The following ITFG1 variants were observed in gnomAD, a reference collection of about 807,000 sequenced individuals.
The protein encoded by ITFG1 is integrin alpha FG-GAP repeat containing 1.
ITFG1 carries 34 observed loss-of-function variants against 81.8 expected under a neutral mutation model. The observed-to-expected ratio is 0.42, with a 90% CI of 0.32 to 0.55. ITFG1 has a LOEUF of 0.55. ITFG1 is among the 20% of genes least tolerant of loss of function. ITFG1 has a pLI of 0.17. For missense variants in ITFG1, 672 were observed against 755.4 expected (o/e 0.89, Z 1.29); for synonymous variants, 285 against 270.6 (o/e 1.05, Z -0.52).
intron 6 of ITFG1, 93 bp from the exon 7 acceptor site, chr16:47,376,033 T>C: frequency 1.5e-6 from 1 of 672,432 alleles, no homozygotes; most frequent in Non-Finnish European, 2.6e-6. Flanking sequence ...TTAAAAGAAT[T>C]GACACAATTC....
chr16:47,227,431 T>C (rs1347925351), intron 13 of ITFG1, among the ~76,000 whole-genome samples: 3 of 152,182 alleles, frequency 2.0e-5, no homozygotes, highest in Non-Finnish European at 4.4e-5. Context: ...GGTTCAATTT[T>C]TCATACTATC....
At chr16:47,305,178 T>A (rs1384078281) in intron 10 of ITFG1, among the ~76,000 whole-genome samples, 1 of 152,182 alleles carries the variant, frequency 6.6e-6, no homozygotes, top group Non-Finnish European at 1.5e-5. Context: ...CATATATCAT[T>A]TACTACTCTC....
At chr16:47,350,022 C>A (rs969092530) in intron 8 of ITFG1, among the ~76,000 whole-genome samples, 1 of 152,106 alleles carries the variant, frequency 6.6e-6, no homozygotes, top group African/African-American at 2.4e-5. Context: ...CCAATGAGAA[C>A]AAAGACACAA....
intron 10 of ITFG1, among the ~76,000 whole-genome samples, chr16:47,285,310 G>T (rs1966865705): frequency 6.6e-6 from 1 of 152,220 alleles, no homozygotes; most frequent in Non-Finnish European, 1.5e-5. Context: ...GATTGCTGGA[G>T]GGGGTTGTGC....
chr16:47,228,135 C>T (rs762379789), intron 13 of ITFG1, among the ~76,000 whole-genome samples: 2 of 152,112 alleles, frequency 1.3e-5, no homozygotes, highest in Non-Finnish European at 2.9e-5. Context: ...TCCATATCAT[C>T]GTTTTTCTAT....
At chr16:47,221,206 T>A (rs1232536929) in intron 13 of ITFG1, among the ~76,000 whole-genome samples, 1 of 152,150 alleles carries the variant, frequency 6.6e-6, no homozygotes, top group Non-Finnish European at 1.5e-5. Context: ...ACTGAGAGCT[T>A]GCTCTGTGTG....
At chr16:47,269,659 T>A (rs1440423006) in intron 10 of ITFG1, among the ~76,000 whole-genome samples, 3 of 152,156 alleles carry the variant, frequency 2.0e-5, no homozygotes, top group Non-Finnish European at 4.4e-5. Flanking sequence ...ATGCACTACA[T>A]TCATAGTCAG....
At chr16:47,413,822 C>A (rs1274677623) in intron 6 of ITFG1, among the ~76,000 whole-genome samples, 1 of 151,952 alleles carries the variant, frequency 6.6e-6, no homozygotes, top group African/African-American at 2.4e-5. Flanking sequence ...CCTAGGATTG[C>A]ACAAGAACAT....
intron 6 of ITFG1, among the ~76,000 whole-genome samples, chr16:47,389,091 A>G (rs1326088330): frequency 1.3e-5 from 2 of 152,162 alleles, no homozygotes; most frequent in African/African-American, 2.4e-5. Flanking sequence ...CTTTCTGGAC[A>G]TATGTCTGGC....
chr16:47,331,010 G>A (rs747502685), intron 8 of ITFG1, among the ~76,000 whole-genome samples: 8 of 152,102 alleles, frequency 5.3e-5, no homozygotes, highest in African/African-American at 1.2e-4. Flanking sequence ...CTACCAAAAA[G>A]ACATCTGCAC....
At chr16:47,305,938 A>C (rs1480692561) in intron 10 of ITFG1, among the ~76,000 whole-genome samples, 1 of 152,210 alleles carries the variant, frequency 6.6e-6, no homozygotes, top group Non-Finnish European at 1.5e-5. Context: ...GATCAGAGAA[A>C]TCAGTAAACC....
intron 6 of ITFG1, among the ~76,000 whole-genome samples, chr16:47,407,756 A>AATATAT: frequency 6.6e-6 from 1 of 152,286 alleles, no homozygotes; most frequent in South Asian, 2.1e-4. Flanking sequence ...TTTTGGGAAA[A>AATATAT]ATAGTCTGAA....
At chr16:47,299,389 T>A (rs1470091443) in intron 10 of ITFG1, 1 of 152,544 alleles carries the variant, frequency 6.6e-6, no homozygotes, top group African/African-American at 2.4e-5. Flanking sequence ...GGCCACGGAA[T>A]TCTCAGCGGT....
intron 14 of ITFG1, among the ~76,000 whole-genome samples, chr16:47,171,640 G>A (rs991499585): frequency 5.3e-5 from 8 of 151,676 alleles, no homozygotes; most frequent in Non-Finnish European, 7.4e-5. Flanking sequence ...ATTTGAGATC[G>A]TTGTTTTTTT....
At chr16:47,254,604 T>C (rs968956390) in intron 12 of ITFG1, among the ~76,000 whole-genome samples, 1 of 152,068 alleles carries the variant, frequency 6.6e-6, no homozygotes, top group Non-Finnish European at 1.5e-5. Flanking sequence ...ATTTTAAGAG[T>C]ATAAAACAGA....
chr16:47,166,751 A>G (rs1373119129), intron 14 of ITFG1, among the ~76,000 whole-genome samples: 1 of 11,866 alleles, frequency 8.4e-5, no homozygotes, highest in African/African-American at 2.6e-4. Flanking sequence ...CTATTAAAAA[A>G]AGAATGCTTT....
At chr16:47,258,788 T>TAA in intron 11 of ITFG1, 48 bp from the exon 12 acceptor site, 5 of 702,002 alleles carry the variant, frequency 7.1e-6, no homozygotes, top group African/African-American at 3.8e-5. Flanking sequence ...TTAGACCAAC[T>TAA]AAAAAAAAAA....
chr16:47,340,233 T>G (rs1025996934), intron 8 of ITFG1, among the ~76,000 whole-genome samples: 2 of 152,288 alleles, frequency 1.3e-5, no homozygotes, highest in Non-Finnish European at 2.9e-5. Flanking sequence ...AAAAAAATTA[T>G]TGGTAAAAGC....
At position 47,197,451 on chromosome 16, in the gene ITFG1, C is replaced by T. The variant is rs544761127; in HGVS notation, c.1453+21417G>A. On this transcript the variant is annotated intron_variant, in intron 14 of 17. Coordinates refer to ENST00000320640, the MANE Select transcript of ITFG1 (RefSeq NM_030790.5). ...AGCCCCTACCCTTCGAGATGTCTTG[C>T]CTTTCCAGGCCAAATCAATGTATAT... Among the ~76,000 whole-genome samples, 16 of 152,238 alleles carry T rather than the reference C, an allele frequency of 1.1e-4. No homozygotes were observed. In the South Asian group the frequency reaches 3.3e-3, roughly 32 times the overall value.
Sources: gnomAD v4.1 joint callset for allele counts (sites outside exome capture counted in the v4.1 genomes callset) on GRCh38, gnomAD v4.1.1 for gene constraint, MANE v1.5 for transcripts, NCBI Gene and HGNC (gene_info 2026-07-23, HGNC 2026-07-21) for gene names.